MOB1B: variants seen among roughly 807,000 people sequenced by gnomAD.
The protein encoded by MOB1B is MOB1 Mps One Binder homolog B.
In MOB1B, 19 loss-of-function variants were observed where a neutral mutation model predicts 24.4. The observed-to-expected ratio is 0.78, with a 90% CI of 0.54 to 1.14. The LOEUF (loss-of-function observed/expected upper bound fraction) is 1.14, where lower values mean the gene tolerates loss of function less well. MOB1B is among the 50% of genes most tolerant of loss of function. The pLI, the probability that MOB1B is intolerant of heterozygous loss-of-function variation, is 0.00. For missense variants in MOB1B, 243 were observed against 259.6 expected, an observed-to-expected ratio of 0.94 and a Z score of 0.44; for synonymous variants, 76 against 82.1, an observed-to-expected ratio of 0.93 and a Z score of 0.40.
intron 1 of MOB1B, among the ~76,000 whole-genome samples, chr4:70,945,877 A>ATTGTTTG (rs1737552255): frequency 6.6e-6 from 1 of 152,088 alleles, no homozygotes; most frequent in Non-Finnish European, 1.5e-5. Flanking sequence ...GAATAAAGAA[A>ATTGTTTG]GTGCAGTTAA....
At chr4:70,941,548 GGC>G (rs1427806232) in intron 1 of MOB1B, among the ~76,000 whole-genome samples, 2 of 151,842 alleles carry the variant, frequency 1.3e-5, no homozygotes, top group African/African-American at 4.8e-5. Context: ...TCACTGTGTT[GGC>G]CAGGATGGTC....
intron 2 of MOB1B, among the ~76,000 whole-genome samples, chr4:70,963,923 A>C (rs79247906): frequency 0.011 from 1,640 of 152,346 alleles, 28 homozygotes; most frequent in African/African-American, 0.038. Context: ...ACATACTTTA[A>C]ATATACAGAT....
chr4:70,925,582 T>A (rs1736616859), intron 1 of MOB1B, among the ~76,000 whole-genome samples: 1 of 152,190 alleles, frequency 6.6e-6, no homozygotes, highest in Admixed American at 6.5e-5. Context: ...AAGTTTGCTG[T>A]AGACTCTCAA....
chr4:70,951,658 G>A (rs1011745039), intron 1 of MOB1B, among the ~76,000 whole-genome samples: 2 of 152,226 alleles, frequency 1.3e-5, no homozygotes, highest in African/African-American at 4.8e-5. Flanking sequence ...AGCACTTTGG[G>A]AGGCCAAGAT....
At chr4:70,961,249 T>G (rs1243951165) in intron 2 of MOB1B, among the ~76,000 whole-genome samples, 1 of 152,190 alleles carries the variant, frequency 6.6e-6, no homozygotes, top group Non-Finnish European at 1.5e-5. Context: ...AATCTTATTG[T>G]GCTTTACTTA....
intron 1 of MOB1B, among the ~76,000 whole-genome samples, chr4:70,928,429 G>A (rs1266488094): frequency 6.6e-6 from 1 of 151,718 alleles, no homozygotes; most frequent in African/African-American, 2.4e-5. Flanking sequence ...TTGAGTAGCT[G>A]GGATTACAGG....
intron 3 of MOB1B, among the ~76,000 whole-genome samples, chr4:70,974,229 AC>A (rs1417747676): frequency 6.6e-6 from 1 of 151,694 alleles, no homozygotes; most frequent in African/African-American, 2.4e-5. Flanking sequence ...ATCTTGGCTC[AC>A]TGCAACCTCC....
In MOB1B at chr4:70,908,556, C is replaced by T. The variant is rs1191960700; in HGVS notation, c.14+6006C>T. On this transcript the variant is annotated intron_variant, in intron 1 of 5. Coordinates refer to ENST00000309395, the MANE Select transcript of MOB1B (RefSeq NM_173468.4). ...TTGGGAGGCTGAGGCGGGTGGATCA[C>T]GAGGTCAGGAGTTTGAGACCAGCCT... Among the ~76,000 whole-genome samples, 89 of 144,002 alleles carry T rather than the reference C, an allele frequency of 6.2e-4. No homozygotes were observed. The Middle Eastern group carries it at 0.013, about 20-fold the overall frequency. 94.5% of individuals were successfully genotyped at this position (144,002 alleles called of 152,430 possible). A position where few individuals can be genotyped will look rare whatever the true frequency, so the allele number is the denominator to read the frequency against.
chr4:70,902,010 C>T (rs1278485177), upstream of MOB1B, among the ~76,000 whole-genome samples: 1 of 152,216 alleles, frequency 6.6e-6, no homozygotes, highest in East Asian at 1.9e-4. Context: ...TTCCATCCCT[C>T]ACTGCGGGAC....
rs373143708 is a variant in MOB1B, at chr4:70,903,556, T to G, written c.14+1006T>G. Reference sequence around the variant, plus strand: ...CATGTTTAGTCTGTGTTTAGAAAACTAATAAAAAACTTAGAAGTTGAAACT... The same window carrying G: ...CATGTTTAGTCTGTGTTTAGAAAACGAATAAAAAACTTAGAAGTTGAAACT... On this transcript the variant is annotated intron_variant, in intron 1 of 5. Transcript: ENST00000309395. Among the ~76,000 whole-genome samples the G allele has an allele frequency of 1.5e-4, 23 of 152,326 alleles. 1 individual carries two copies. In the South Asian group the frequency reaches 4.8e-3, roughly 32 times the overall value.
intron 1 of MOB1B, among the ~76,000 whole-genome samples, chr4:70,958,391 T>G (rs1021234916): frequency 1.8e-4 from 28 of 151,944 alleles, no homozygotes; most frequent in African/African-American, 6.5e-4. Flanking sequence ...GGTCTCCAAC[T>G]CCTGACCCTT....
chr4:70,953,634 C>A (rs1476118237), intron 1 of MOB1B, among the ~76,000 whole-genome samples: 2 of 152,264 alleles, frequency 1.3e-5, no homozygotes, highest in Admixed American at 1.3e-4. Context: ...TTTGTGGTTT[C>A]TTAAGTAGCA....
At chr4:70,968,606 C>T (rs1301793133) in intron 2 of MOB1B, among the ~76,000 whole-genome samples, 3 of 152,128 alleles carry the variant, frequency 2.0e-5, no homozygotes, top group Non-Finnish European at 2.9e-5. Context: ...CCACCGCGCC[C>T]AGCCTCATTT....
At chr4:70,955,199 G>A (rs541040974) in intron 1 of MOB1B, among the ~76,000 whole-genome samples, 1 of 152,166 alleles carries the variant, frequency 6.6e-6, no homozygotes, top group Non-Finnish European at 1.5e-5. Flanking sequence ...TGACTCTGGG[G>A]GAGGTGAGGC....
upstream of MOB1B, chr4:70,902,238 A>T: frequency 1.8e-6 from 1 of 548,028 alleles, no homozygotes; most frequent in Non-Finnish European, 3.3e-6. Flanking sequence ...CGCTATCGCG[A>T]GAGCTCGTGA....
At chr4:70,952,410 G>A (rs1180658542) in intron 1 of MOB1B, among the ~76,000 whole-genome samples, 3 of 151,794 alleles carry the variant, frequency 2.0e-5, no homozygotes, top group African/African-American at 4.8e-5. Flanking sequence ...TTGGGAGGCC[G>A]AGGTGGGCGG....
intron 1 of MOB1B, among the ~76,000 whole-genome samples, chr4:70,913,646 T>C (rs1736086809): frequency 6.6e-6 from 1 of 152,174 alleles, no homozygotes; most frequent in South Asian, 2.1e-4. Context: ...TATTTGTCCA[T>C]TATTGGTGGT....
Position 70,936,175 on chromosome 4 carries a change from G to T in MOB1B, c.15-22699G>T, listed in dbSNP as rs192781210. Among the ~76,000 whole-genome samples the T allele has an allele frequency of 2.0e-3, 297 of 151,890 alleles. 1 individual carries two copies. Among genetic ancestry groups the T allele is most frequent in the African/African-American group, 6.8e-3 (282 of 41,424 alleles). On this transcript the variant is annotated intron_variant, in intron 1 of 5. Coordinates refer to ENST00000309395, the MANE Select transcript of MOB1B (RefSeq NM_173468.4). ...CGGTACACTAATTTTTGTATTTTTA[G>T]TAGAGACAGAATTTTGCCATGTTGG... is the stretch of plus-strand genomic sequence containing the variant.
intron 1 of MOB1B, among the ~76,000 whole-genome samples, chr4:70,914,402 A>G (rs1169896234): frequency 6.6e-6 from 1 of 152,172 alleles, no homozygotes; most frequent in Admixed American, 6.6e-5. Context: ...TGGCACAACA[A>G]AATATTTTTT....
Sources: gnomAD v4.1 joint callset for allele counts (sites outside exome capture counted in the v4.1 genomes callset) on GRCh38, gnomAD v4.1.1 for gene constraint, MANE v1.5 for transcripts, NCBI Gene and HGNC (gene_info 2026-07-23, HGNC 2026-07-21) for gene names.